ALDH8A1: variants seen among roughly 807,000 people sequenced by gnomAD.
The protein encoded by ALDH8A1 is 2-aminomuconic semialdehyde dehydrogenase.
Under a neutral mutation model 43.3 loss-of-function variants are expected in ALDH8A1, and 39 were observed. That is an observed-to-expected ratio of 0.90 (90% CI 0.70 to 1.18). ALDH8A1 has a LOEUF of 1.18. ALDH8A1 is among the 50% of genes most tolerant of loss of function. The pLI is 0.00. For synonymous variants in ALDH8A1, 233 were observed against 243.5 expected (o/e 0.96, Z 0.40); for missense variants, 605 against 622.6 (o/e 0.97, Z 0.30).
At chr6:134,929,606 G>A (rs1776946947) in intron 5 of ALDH8A1, among the ~76,000 whole-genome samples, 1 of 152,062 alleles carries the variant, frequency 6.6e-6, no homozygotes, top group Admixed American at 6.6e-5. Context: ...TCTGGAGGTG[G>A]GGAATTAATT....
At chr6:134,946,417 A>G (rs1431164243) in intron 1 of ALDH8A1, among the ~76,000 whole-genome samples, 2 of 152,224 alleles carry the variant, frequency 1.3e-5, no homozygotes, top group African/African-American at 2.4e-5. Flanking sequence ...AAGTCCACTC[A>G]TATTTTCTAA....
At chr6:134,947,151 T>C (rs1457908747) in intron 1 of ALDH8A1, among the ~76,000 whole-genome samples, 1 of 152,162 alleles carries the variant, frequency 6.6e-6, no homozygotes, top group Non-Finnish European at 1.5e-5. Context: ...CTCCAATAAA[T>C]GGTGCTGGGA....
At chr6:134,945,607 C>T (rs1384288800) in intron 1 of ALDH8A1, among the ~76,000 whole-genome samples, 1 of 152,134 alleles carries the variant, frequency 6.6e-6, no homozygotes, top group Non-Finnish European at 1.5e-5. Context: ...CACTCCTCTC[C>T]TTTCTCACAT....
intron 4 of ALDH8A1, among the ~76,000 whole-genome samples, chr6:134,935,609 C>A (rs761417601): frequency 6.6e-6 from 1 of 152,140 alleles, no homozygotes; most frequent in Non-Finnish European, 1.5e-5. Flanking sequence ...TTTCCTCAGG[C>A]CTGACCTACG....
At chr6:134,935,444 T>C (rs958918906) in intron 4 of ALDH8A1, among the ~76,000 whole-genome samples, 1 of 152,254 alleles carries the variant, frequency 6.6e-6, no homozygotes, top group African/African-American at 2.4e-5. Flanking sequence ...GAATGCTTAG[T>C]GTACGTTATT....
chr6:134,948,694 T>C (rs1773994782), intron 1 of ALDH8A1, among the ~76,000 whole-genome samples: 1 of 152,198 alleles, frequency 6.6e-6, no homozygotes, highest in South Asian at 2.1e-4. Context: ...CTATGACTTA[T>C]GGGATCAGAT....
rs771296990 is a variant in ALDH8A1, at chr6:134,933,020, C to A, written c.605G>T (p.Gly202Val). Reference protein sequence around the residue: ...KLLDKAGVPPGVVNIVFGTGP... With the variant: ...KLLDKAGVPPVVVNIVFGTGP... Reference sequence around the variant, plus strand: ...GGTTCCAAACACAATATTGACCACACCTGGTGGAACACCTGGATAGGAAAC... The same window carrying A: ...GGTTCCAAACACAATATTGACCACAACTGGTGGAACACCTGGATAGGAAAC... The change falls in exon 5 of 7, where the codon GGT becomes GTT. Residue 202 changes from glycine to valine, a missense_variant. Coordinates refer to ENST00000265605, the MANE Select transcript of ALDH8A1 (RefSeq NM_022568.4). The A allele has an allele frequency of 1.3e-6, 2 of 1,572,270 alleles. No individual in the cohort carries two copies. The highest frequency in any genetic ancestry group is 1.8e-5 in the Admixed American group (1 of 54,276).
intron 6 of ALDH8A1, among the ~76,000 whole-genome samples, chr6:134,927,222 A>G (rs1360273028): frequency 6.6e-6 from 1 of 152,212 alleles, no homozygotes; most frequent in Non-Finnish European, 1.5e-5. Flanking sequence ...ACTAGAACTC[A>G]TTAGCGTCTT....
At chr6:134,937,100 G>C (rs115532533) in intron 4 of ALDH8A1, among the ~76,000 whole-genome samples, 1 of 152,054 alleles carries the variant, frequency 6.6e-6, no homozygotes, top group Non-Finnish European at 1.5e-5. Context: ...CGCAGTCAGT[G>C]GGCACTCCAG....
rs111588402 is a variant in ALDH8A1, at chr6:134,946,825, C to T, written c.139-2859G>A. On this transcript the variant is annotated intron_variant, in intron 1 of 6. Coordinates refer to ENST00000265605, the MANE Select transcript of ALDH8A1 (RefSeq NM_022568.4). ...ATGTGTGCGTGCACGCACAGGTGCA[C>T]ATGCCCATGGATCTAAGCATCAGAG... Among the ~76,000 whole-genome samples, 321 of 152,354 alleles carry T rather than the reference C, an allele frequency of 2.1e-3. 2 individuals are homozygous for T. The highest frequency in any genetic ancestry group is 7.1e-3 in the African/African-American group (295 of 41,580).
intron 4 of ALDH8A1, among the ~76,000 whole-genome samples, chr6:134,934,304 T>C (rs1166812772): frequency 6.6e-6 from 1 of 152,152 alleles, no homozygotes; most frequent in Non-Finnish European, 1.5e-5. Flanking sequence ...TTAACCAGAA[T>C]TCTTTCCTCA....
intron 2 of ALDH8A1, among the ~76,000 whole-genome samples, chr6:134,943,585 C>T (rs1282514229): frequency 6.6e-6 from 1 of 152,210 alleles, no homozygotes; most frequent in African/African-American, 2.4e-5. Context: ...TATTTCTTTG[C>T]CCCTCAGCTT....
In ALDH8A1 at chr6:134,949,903, T is replaced by G; in HGVS notation, c.138+13A>C. The G allele has an allele frequency of 6.3e-7, 1 of 1,582,058 alleles. No individual in the cohort carries two copies. The highest frequency in any genetic ancestry group is 8.6e-7 in the Non-Finnish European group (1 of 1,164,188). ...TAAACACATTTCAGTCTTCTTTAAG[T>G]GCATATACTCACCTCGTCTTTTCCA... On this transcript the variant is annotated intron_variant, in intron 1 of 6. Transcript: ENST00000265605.
intron 3 of ALDH8A1, 33 bp from the exon 4 acceptor site, chr6:134,939,448 C>A: frequency 1.1e-5 from 18 of 1,606,068 alleles, no homozygotes; most frequent in Non-Finnish European, 1.5e-5. Flanking sequence ...CTGCCTGTGA[C>A]GGCATACCCC....
At chr6:134,943,283 T>C (rs929870685) in intron 2 of ALDH8A1, among the ~76,000 whole-genome samples, 2 of 152,196 alleles carry the variant, frequency 1.3e-5, no homozygotes, top group African/African-American at 4.8e-5. Context: ...TCTTGGCTTA[T>C]CTTAACAGAT....
intron 4 of ALDH8A1, 58 bp downstream of exon 4, chr6:134,939,208 A>G: frequency 6.3e-7 from 1 of 1,589,332 alleles, no homozygotes; most frequent in East Asian, 2.3e-5. Context: ...GAAGATTTCT[A>G]TAAACTATAG....
In ALDH8A1 at chr6:134,942,527, G is replaced by A. The variant is rs1232794222; in HGVS notation, c.324C>T (p.Pro108=). 9.3e-6 allele frequency: 15 copies of A among 1,614,020 alleles called. No individual in the cohort carries two copies. The highest frequency in any genetic ancestry group is 1.2e-5 in the Non-Finnish European group (14 of 1,180,022). ...AGAACCTGAAGTTCTGCACAGACCG[G>A]GGAATGTCCATGGTTCTTGCCAGTG... ...TLALARTMDI[P]RSVQNFRFFA... Residue 108 remains proline (P), a synonymous_variant, in exon 3 of 7, where the codon CCC becomes CCT. Transcript: ENST00000265605.
chr6:134,948,470 T>A (rs1014142510), intron 1 of ALDH8A1, among the ~76,000 whole-genome samples: 8 of 152,206 alleles, frequency 5.3e-5, no homozygotes, highest in Non-Finnish European at 1.2e-4. Flanking sequence ...TATGCATGTA[T>A]CAAAATGTCA....
intron 1 of ALDH8A1, among the ~76,000 whole-genome samples, chr6:134,946,288 CT>C (rs1196218051): frequency 6.6e-6 from 1 of 152,108 alleles, no homozygotes; most frequent in Non-Finnish European, 1.5e-5. Context: ...GAAGAGATGG[CT>C]TTGGTGACCT....
Sources: allele counts gnomAD v4.1 joint callset (sites outside exome capture counted in the v4.1 genomes callset), GRCh38; gene constraint gnomAD v4.1.1; transcripts MANE v1.5; gene names NCBI Gene and HGNC (gene_info 2026-07-23, HGNC 2026-07-21).